LRFN5: variants seen among roughly 807,000 people sequenced by gnomAD.
The protein encoded by LRFN5 is leucine-rich repeat and fibronectin type-III domain-containing protein 5.
LRFN5 carries 24 observed loss-of-function variants against 45.6 expected under a neutral mutation model. The observed-to-expected ratio is 0.53, with a 90% CI of 0.38 to 0.74. The LOEUF (loss-of-function observed/expected upper bound fraction) is 0.74. Ranked by LOEUF, LRFN5 falls within the 30% of genes least tolerant of loss-of-function variation. The probability of loss-of-function intolerance (pLI) is 0.00; values close to 1 mark genes in which losing one functional copy is unlikely to be tolerated. For synonymous variants in LRFN5, 340 were observed against 313.8 expected (o/e 1.08, Z -0.88); for missense variants, 776 against 861.5 (o/e 0.90, Z 1.24).
intron 2 of LRFN5, among the ~76,000 whole-genome samples, chr14:41,792,783 T>C (rs1886973391): frequency 6.6e-6 from 1 of 152,036 alleles, no homozygotes; most frequent in Admixed American, 6.6e-5. Context: ...AATCAATTTG[T>C]ACAGGTAACA....
In LRFN5 at chr14:41,609,599, A is replaced by G. The variant is rs186732171; in HGVS notation, c.-197+1037A>G. ...ATCGGAAAATTTCACTCCTTTCTCG[A>G]AGACATTAGAATTAACAAGATAAAG... is the stretch of plus-strand genomic sequence containing the variant. On this transcript the variant is annotated intron_variant, in intron 1 of 5. Transcript: ENST00000298119. 4.8e-3 allele frequency among the ~76,000 whole-genome samples: 732 copies of G among 152,208 alleles called. 3 individuals carry two copies. Among genetic ancestry groups the G allele is most frequent in the Non-Finnish European group, 8.7e-3 (591 of 68,022 alleles).
chr14:41,673,405 C>A lies in LRFN5; in HGVS notation c.-197+64843C>A, dbSNP rs557805375. Among the ~76,000 whole-genome samples the A allele has an allele frequency of 2.8e-5, 4 of 144,452 alleles. No homozygotes were observed. In the East Asian group the frequency reaches 8.0e-4, roughly 29 times the overall value. The allele number at this position is 144,452 out of a possible 152,430, so 94.8% of individuals were successfully genotyped here. ...GCCGGGCAGGGGGCTGACCCGCCCCCCACCTCACTGCCGGACCGGGCGGCT... is the reference window on the plus strand; with the variant it reads ...GCCGGGCAGGGGGCTGACCCGCCCCACACCTCACTGCCGGACCGGGCGGCT... On this transcript the variant is annotated intron_variant, in intron 1 of 5. Transcript: ENST00000298119.
intron 1 of LRFN5, among the ~76,000 whole-genome samples, chr14:41,697,658 T>C (rs1464199070): frequency 7.5e-6 from 1 of 133,542 alleles, no homozygotes; most frequent in African/African-American, 3.0e-5. Flanking sequence ...TCACTGCTCT[T>C]TTTTTTTTTT....
At chr14:41,900,937 C>T (rs567665458) in intron 5 of LRFN5, among the ~76,000 whole-genome samples, 90 of 152,100 alleles carry the variant, frequency 5.9e-4, no homozygotes, top group African/African-American at 1.6e-3. Context: ...TCTTCAGCTC[C>T]GAGTTTTCCG....
chr14:41,750,802 A>C (rs1318778528), intron 1 of LRFN5, among the ~76,000 whole-genome samples: 2 of 152,144 alleles, frequency 1.3e-5, no homozygotes, highest in Non-Finnish European at 2.9e-5. Context: ...AGAAGAGAGC[A>C]CACAGGGGAA....
chr14:41,669,673 T>C (rs1415181548), intron 1 of LRFN5, among the ~76,000 whole-genome samples: 1 of 152,028 alleles, frequency 6.6e-6, no homozygotes, highest in African/African-American at 2.4e-5. Context: ...TGAAACAATG[T>C]ACACACTTTG....
chr14:41,673,616 A>AGGG (rs1881373963), intron 1 of LRFN5, among the ~76,000 whole-genome samples: 2 of 93,054 alleles, frequency 2.1e-5, no homozygotes, highest in Non-Finnish European at 4.3e-5. Flanking sequence ...CTGGCCGGGC[A>AGGG]GGGGACTGAC....
At chr14:41,832,616 C>T (rs924847697) in intron 2 of LRFN5, among the ~76,000 whole-genome samples, 2 of 152,086 alleles carry the variant, frequency 1.3e-5, no homozygotes, top group Admixed American at 1.3e-4. Context: ...GACTCCTGGA[C>T]TTAATGCTAG....
In LRFN5 at chr14:41,650,937, G is replaced by C. The variant is rs543159214; in HGVS notation, c.-197+42375G>C. Among the ~76,000 whole-genome samples, 21 of 151,150 alleles carry C rather than the reference G, an allele frequency of 1.4e-4. No homozygotes were observed. The East Asian group carries it at 3.9e-3, about 28-fold the overall frequency. On this transcript the variant is annotated intron_variant, in intron 1 of 5. Coordinates refer to ENST00000298119, the MANE Select transcript of LRFN5 (RefSeq NM_152447.5). ...GGAGGGAGGGAGGGAGGGAGAGGGA[G>C]AGGAATATGGCGTTTATGCAGTGAC...
At chr14:41,625,432 A>T (rs1956444) in intron 1 of LRFN5, among the ~76,000 whole-genome samples, 1 of 152,096 alleles carries the variant, frequency 6.6e-6, no homozygotes, top group Admixed American at 6.6e-5. Context: ...CCACGGTTGT[A>T]AGTTTCCTGA....
intron 2 of LRFN5, among the ~76,000 whole-genome samples, chr14:41,787,047 A>G (rs1886747419): frequency 6.6e-6 from 1 of 152,032 alleles, no homozygotes; most frequent in Admixed American, 6.6e-5. Context: ...ATTTTTGATC[A>G]TATGGTGCAT....
intron 1 of LRFN5, among the ~76,000 whole-genome samples, chr14:41,719,761 C>T (rs1385586204): frequency 6.6e-6 from 1 of 150,430 alleles, no homozygotes; most frequent in African/African-American, 2.5e-5. Flanking sequence ...ATATATATAT[C>T]TGAACTCACT....
chr14:41,786,336 G>A (rs1886718972), intron 2 of LRFN5, among the ~76,000 whole-genome samples: 1 of 151,146 alleles, frequency 6.6e-6, no homozygotes, highest in Non-Finnish European at 1.5e-5. Flanking sequence ...CTCAGTTTTT[G>A]TTTTTTCAAA....
intron 1 of LRFN5, among the ~76,000 whole-genome samples, chr14:41,677,337 A>G (rs1881679157): frequency 6.6e-6 from 1 of 152,268 alleles, no homozygotes; most frequent in African/African-American, 2.4e-5. Context: ...GACAATTATA[A>G]AGCATTCAAA....
intron 2 of LRFN5, among the ~76,000 whole-genome samples, chr14:41,829,914 C>A (rs1212436306): frequency 2.0e-5 from 3 of 150,756 alleles, no homozygotes; most frequent in African/African-American, 7.3e-5. Context: ...ATATTTTGTT[C>A]ATTATTAACT....
chr14:41,621,963 T>C (rs1293498746), intron 1 of LRFN5, among the ~76,000 whole-genome samples: 1 of 151,966 alleles, frequency 6.6e-6, no homozygotes, highest in African/African-American at 2.4e-5. Flanking sequence ...AAAGAAACTG[T>C]TTCCTGACAG....
At chr14:41,685,085 C>G (rs1476329725) in intron 1 of LRFN5, among the ~76,000 whole-genome samples, 1 of 152,080 alleles carries the variant, frequency 6.6e-6, no homozygotes, top group Non-Finnish European at 1.5e-5. Flanking sequence ...AAATGCAAAT[C>G]AGAACTACAA....
At chr14:41,789,865 G>A (rs11627826) in intron 2 of LRFN5, among the ~76,000 whole-genome samples, 76,181 of 151,598 alleles carry the variant, frequency 0.5, 19,762 homozygotes, top group East Asian at 0.91. Context: ...GACTGGTTTC[G>A]TAATATTTTC....
At position 41,754,975 on chromosome 14, in the gene LRFN5, C is replaced by T. The variant is rs183067149; in HGVS notation, c.-196-11879C>T. Among the ~76,000 whole-genome samples the T allele has an allele frequency of 9.3e-3, 1,412 of 152,158 alleles. 23 individuals carry two copies. The highest frequency in any genetic ancestry group is 0.033 in the African/African-American group (1,353 of 41,498). On this transcript the variant is annotated intron_variant, in intron 1 of 5. Coordinates refer to ENST00000298119, the MANE Select transcript of LRFN5 (RefSeq NM_152447.5). ...TTCTTGTATGTTGTGTCTTTGTTCT[C>T]GTTGGTTTCAAAGTACATCTTTATT...
Sources: allele counts gnomAD v4.1 joint callset (sites outside exome capture counted in the v4.1 genomes callset), GRCh38; gene constraint gnomAD v4.1.1; transcripts MANE v1.5; gene names NCBI Gene and HGNC (gene_info 2026-07-23, HGNC 2026-07-21).